Variants in LRRC4C observed in about 807,000 individuals in gnomAD.
LRRC4C encodes leucine-rich repeat-containing protein 4C.
Under a neutral mutation model 33.6 loss-of-function variants are expected in LRRC4C, and 5 were observed. The observed-to-expected ratio is 0.15, with a 90% CI of 0.08 to 0.31. The LOEUF is 0.31. LRRC4C is among the 10% of genes least tolerant of loss of function. The pLI is 1.00. For missense variants in LRRC4C, 560 were observed against 796.7 expected, an observed-to-expected ratio of 0.70 and a Z score of 3.58; for synonymous variants, 329 against 302.0, an observed-to-expected ratio of 1.09 and a Z score of -0.93.
intron 3 of LRRC4C, among the ~76,000 whole-genome samples, chr11:40,454,172 G>GTTT (rs35415208): frequency 1.4e-5 from 2 of 138,406 alleles, no homozygotes; most frequent in Non-Finnish European, 1.6e-5. Context: ...CTTGATTAAA[G>GTTT]TTTTTTTTTT....
chr11:40,497,290 G>A (rs1441458703), intron 3 of LRRC4C, among the ~76,000 whole-genome samples: 2 of 152,020 alleles, frequency 1.3e-5, no homozygotes, highest in East Asian at 1.9e-4. Context: ...TGTATTCCCA[G>A]CTACTTCGGA....
intron 1 of LRRC4C, among the ~76,000 whole-genome samples, chr11:41,005,520 C>T (rs1449547487): frequency 3.3e-5 from 5 of 152,186 alleles, no homozygotes; most frequent in Non-Finnish European, 7.3e-5. Flanking sequence ...AAGAGAATTG[C>T]TTGAACCCGG....
intron 1 of LRRC4C, among the ~76,000 whole-genome samples, chr11:41,422,550 T>A (rs2138336673): frequency 6.6e-6 from 1 of 152,098 alleles, no homozygotes; most frequent in East Asian, 1.9e-4. Context: ...AGCAAAAAGA[T>A]GGAAGGACCT....
At chr11:40,362,948 A>G (rs1948026098) in intron 3 of LRRC4C, among the ~76,000 whole-genome samples, 1 of 152,180 alleles carries the variant, frequency 6.6e-6, no homozygotes, top group African/African-American at 2.4e-5. Context: ...AAAAGGGAAC[A>G]CTTACACGCT....
chr11:41,123,446 GTATTTT>G (rs1160506487), intron 1 of LRRC4C, among the ~76,000 whole-genome samples: 1 of 149,840 alleles, frequency 6.7e-6, no homozygotes, highest in Non-Finnish European at 1.5e-5. Flanking sequence ...CTAATTTTTT[GTATTTT>G]TAGTAGAGAC....
rs115853922 is a variant in LRRC4C, at chr11:40,450,684, A to C, written c.-269-130963T>G. Among the ~76,000 whole-genome samples the C allele has an allele frequency of 4.6e-3, 695 of 152,028 alleles. 3 individuals carry two copies. The highest frequency in any genetic ancestry group is 0.016 in the African/African-American group (664 of 41,518). On this transcript the variant is annotated intron_variant, in intron 3 of 6. Transcript: ENST00000528697. ...GAAATATTATAGTTATAAGGCCTTA[A>C]AACATTCATTAATATATTTAAAGAA...
intron 1 of LRRC4C, among the ~76,000 whole-genome samples, chr11:41,288,671 A>G (rs188519490): frequency 8.6e-4 from 131 of 152,296 alleles, no homozygotes; most frequent in Non-Finnish European, 1.5e-3. Context: ...TCACAAATTT[A>G]CATGTCAGAA....
chr11:40,325,485 A>T (rs1027250019), intron 3 of LRRC4C, among the ~76,000 whole-genome samples: 1 of 152,066 alleles, frequency 6.6e-6, no homozygotes, highest in African/African-American at 2.4e-5. Flanking sequence ...GAAAATAGCC[A>T]AGTTTGGTGG....
chr11:40,783,118 AC>A (rs1950280052), intron 2 of LRRC4C, among the ~76,000 whole-genome samples: 1 of 152,060 alleles, frequency 6.6e-6, no homozygotes, highest in Non-Finnish European at 1.5e-5. Context: ...TAAAAATACC[AC>A]TGTTAATAAT....
chr11:40,276,263 G>C (rs891564660), intron 4 of LRRC4C, among the ~76,000 whole-genome samples: 1 of 152,078 alleles, frequency 6.6e-6, no homozygotes. Context: ...AGTTAGAATA[G>C]GGAAGGGACA....
At chr11:41,004,386 T>C (rs1854587521) in intron 1 of LRRC4C, among the ~76,000 whole-genome samples, 1 of 152,134 alleles carries the variant, frequency 6.6e-6, no homozygotes, top group Non-Finnish European at 1.5e-5. Context: ...ATCAACATTA[T>C]CAGCATCCAT....
At chr11:40,697,718 T>C (rs1945644647) in intron 2 of LRRC4C, among the ~76,000 whole-genome samples, 1 of 152,198 alleles carries the variant, frequency 6.6e-6, no homozygotes, top group African/African-American at 2.4e-5. Flanking sequence ...GGATATGCAA[T>C]TAAATTTACC....
chr11:41,352,694 C>T (rs888256192), intron 1 of LRRC4C, among the ~76,000 whole-genome samples: 3 of 151,918 alleles, frequency 2.0e-5, no homozygotes, highest in Admixed American at 1.3e-4. Context: ...AGCACAATAA[C>T]AATAGAAATC....
At chr11:40,460,701 G>A (rs922299498) in intron 3 of LRRC4C, among the ~76,000 whole-genome samples, 4 of 152,134 alleles carry the variant, frequency 2.6e-5, no homozygotes, top group Non-Finnish European at 5.9e-5. Flanking sequence ...GACTTTTCCA[G>A]CTATAGCTAT....
At chr11:41,099,946 C>T (rs527422469) in intron 1 of LRRC4C, among the ~76,000 whole-genome samples, 11 of 152,122 alleles carry the variant, frequency 7.2e-5, no homozygotes, top group Non-Finnish European at 1.3e-4. Context: ...ACCCCATAGT[C>T]TGAGTGCAAA....
At chr11:41,454,667 C>T (rs1311739374) in intron 1 of LRRC4C, among the ~76,000 whole-genome samples, 2 of 152,094 alleles carry the variant, frequency 1.3e-5, no homozygotes, top group Non-Finnish European at 2.9e-5. Flanking sequence ...GAAATGACAT[C>T]TGAAAAGGGT....
At chr11:40,560,632 A>G (rs532346043) in intron 3 of LRRC4C, among the ~76,000 whole-genome samples, 12 of 152,346 alleles carry the variant, frequency 7.9e-5, no homozygotes, top group Non-Finnish European at 1.2e-4. Context: ...GAGAAAAGGA[A>G]AGGCAATTTG....
At chr11:41,055,166 A>C (rs1180487468) in intron 1 of LRRC4C, among the ~76,000 whole-genome samples, 1 of 152,110 alleles carries the variant, frequency 6.6e-6, no homozygotes, top group Non-Finnish European at 1.5e-5. Context: ...ATTTTATTTA[A>C]ATTTTTTTTG....
chr11:40,838,325 T>C (rs1327035708), intron 2 of LRRC4C, among the ~76,000 whole-genome samples: 1 of 152,192 alleles, frequency 6.6e-6, no homozygotes, highest in Non-Finnish European at 1.5e-5. Flanking sequence ...TTTAATTCTT[T>C]CTCAATATTT....
Sources: gnomAD v4.1 joint callset for allele counts (sites outside exome capture counted in the v4.1 genomes callset) on GRCh38, gnomAD v4.1.1 for gene constraint, MANE v1.5 for transcripts, NCBI Gene and HGNC (gene_info 2026-07-23, HGNC 2026-07-21) for gene names.